The following LRTM3 variants were observed in gnomAD, a reference collection of about 807,000 sequenced individuals.
The protein encoded by LRTM3 is leucine-rich repeat transmembrane protein 3.
At chr13:102,745,236 C>T in the LRTM3 span, 1 of 1,550,844 alleles carries the variant, frequency 6.4e-7, no homozygotes, top group Non-Finnish European at 8.7e-7. Flanking sequence ...AACAATGCCT[C>T]CTGTTTCCTT....
the LRTM3 span, chr13:102,736,978 T>A: frequency 6.4e-7 from 1 of 1,551,086 alleles, no homozygotes; most frequent in Non-Finnish European, 8.7e-7. Flanking sequence ...TACAGTGAGA[T>A]AGAGAAGGTA....
chr13:102,734,132 A>C, the LRTM3 span: 1 of 1,551,478 alleles, frequency 6.4e-7, no homozygotes, highest in Non-Finnish European at 8.7e-7. Context: ...CTTTGCATTA[A>C]GGATATGTGA....
At chr13:102,737,369 T>C in the LRTM3 span, 2 of 1,550,876 alleles carry the variant, frequency 1.3e-6, no homozygotes, top group East Asian at 2.4e-5. Context: ...GTTCAATTCA[T>C]AACAAGTTAG....
the LRTM3 span, chr13:102,730,576 G>A: frequency 1.2e-5 from 19 of 1,551,836 alleles, no homozygotes; most frequent in African/African-American, 1.4e-5. Flanking sequence ...TCCTCGGGCT[G>A]TGCAGATCAC....
At chr13:102,737,037 A>T in the LRTM3 span, 2 of 1,550,784 alleles carry the variant, frequency 1.3e-6, no homozygotes, top group Middle Eastern at 3.3e-4. Context: ...ACATGTCTCA[A>T]TTTTTCTTTT....
chr13:102,733,962 C>T, the LRTM3 span: 2 of 1,551,190 alleles, frequency 1.3e-6, no homozygotes, highest in African/African-American at 2.7e-5. Flanking sequence ...CAAGATGATC[C>T]TGTAATTCCT....
the LRTM3 span, among the ~76,000 whole-genome samples, chr13:102,757,424 G>T: frequency 6.6e-6 from 1 of 152,172 alleles, no homozygotes; most frequent in Non-Finnish European, 1.5e-5. Context: ...ACCACCAGTA[G>T]TGGTTATTAT....
At chr13:102,752,406 A>G in the LRTM3 span, among the ~76,000 whole-genome samples, 1 of 152,216 alleles carries the variant, frequency 6.6e-6, no homozygotes, top group Non-Finnish European at 1.5e-5. Flanking sequence ...CTGGCTTCTG[A>G]CAGGAGGCTA....
At chr13:102,758,532 A>G in the LRTM3 span, 5 of 1,544,918 alleles carry the variant, frequency 3.2e-6, no homozygotes, top group Non-Finnish European at 2.6e-6. Context: ...GTGAAATTGT[A>G]TAATACTTAC....
the LRTM3 span, chr13:102,750,117 AGGAAAATTG>A: frequency 6.4e-7 from 1 of 1,551,070 alleles, no homozygotes; most frequent in Middle Eastern, 1.7e-4. Flanking sequence ...AATTTCTTGG[AGGAAAATTG>A]TATTGTTTCA....
At chr13:102,755,427 A>T in the LRTM3 span, among the ~76,000 whole-genome samples, 8 of 152,042 alleles carry the variant, frequency 5.3e-5, no homozygotes, top group Non-Finnish European at 8.8e-5. Flanking sequence ...TAGACTGGAT[A>T]AAAAAAATGT....
At chr13:102,756,080 G>A in the LRTM3 span, among the ~76,000 whole-genome samples, 1 of 150,556 alleles carries the variant, frequency 6.6e-6, no homozygotes, top group South Asian at 2.1e-4. Flanking sequence ...AGCCTCCCAA[G>A]TCATTGGGAT....
the LRTM3 span, chr13:102,739,263 T>G: frequency 6.5e-7 from 1 of 1,550,182 alleles, no homozygotes; most frequent in Non-Finnish European, 8.7e-7. Context: ...CCTTTCAAAG[T>G]GATACATTTG....
At chr13:102,746,456 AG>A in the LRTM3 span, 6 of 1,551,096 alleles carry the variant, frequency 3.9e-6, no homozygotes, top group Non-Finnish European at 5.2e-6. Context: ...TGGAGAGCAA[AG>A]GGTATTTAGA....
At chr13:102,747,711 C>T in the LRTM3 span, 1 of 1,551,162 alleles carries the variant, frequency 6.4e-7, no homozygotes, top group East Asian at 2.4e-5. Flanking sequence ...CCGGCACTCT[C>T]TCTGTCTGTA....
chr13:102,733,037 T>G, the LRTM3 span: 7 of 1,551,334 alleles, frequency 4.5e-6, no homozygotes, highest in African/African-American at 9.6e-5. Context: ...CATATCCATG[T>G]GTATTCCTGG....
At chr13:102,750,386 A>C in the LRTM3 span, 5 of 1,452,988 alleles carry the variant, frequency 3.4e-6, no homozygotes, top group East Asian at 5.0e-5. Flanking sequence ...AAAGGTGCCA[A>C]CTCTGAAATA....
chr13:102,749,177 A>G, the LRTM3 span: 2 of 1,550,636 alleles, frequency 1.3e-6, no homozygotes, highest in Admixed American at 2.0e-5. Flanking sequence ...ACATACTGTG[A>G]TTTGAAATAC....
chr13:102,736,929 C>T, the LRTM3 span: 18 of 1,550,986 alleles, frequency 1.2e-5, no homozygotes, highest in Non-Finnish European at 1.6e-5. Context: ...CTTGTTACTC[C>T]TTGTTCCTCT....
Sources: allele counts gnomAD v4.1 joint callset (sites outside exome capture counted in the v4.1 genomes callset), GRCh38; gene constraint gnomAD v4.1.1; transcripts MANE v1.5; gene names NCBI Gene and HGNC (gene_info 2026-07-23, HGNC 2026-07-21).